Variants in HECW1 observed in about 807,000 individuals in gnomAD.
HECW1 encodes E3 ubiquitin-protein ligase HECW1.
In HECW1, 61 loss-of-function variants were observed where a neutral mutation model predicts 182.3. The ratio of observed to expected loss-of-function variants is 0.33; its 90% CI spans 0.27 to 0.41. The LOEUF (loss-of-function observed/expected upper bound fraction) is 0.41. Among genes scored for constraint, HECW1 ranks in the 10% least tolerant of loss-of-function variants. The pLI, the probability that HECW1 is intolerant of heterozygous loss-of-function variation, is 1.00. For missense variants in HECW1, 1,739 were observed against 2,108.9 expected, an observed-to-expected ratio of 0.82 and a Z score of 3.44; for synonymous variants, 859 against 832.6, an observed-to-expected ratio of 1.03 and a Z score of -0.55.
intron 2 of HECW1, among the ~76,000 whole-genome samples, chr7:43,191,963 T>A (rs1317603426): frequency 7.5e-6 from 1 of 133,234 alleles, no homozygotes; most frequent in East Asian, 2.0e-4. Context: ...GTTGTTTTTT[T>A]CTTTTTTTTT....
chr7:43,344,640 T>A (rs896427729), intron 5 of HECW1, among the ~76,000 whole-genome samples: 1 of 152,168 alleles, frequency 6.6e-6, no homozygotes, highest in African/African-American at 2.4e-5. Flanking sequence ...AGATTTCAGT[T>A]ACCTATATTT....
rs1466396766 is a variant in HECW1, at chr7:43,297,182, G to T, written c.28-14581G>T. On this transcript the variant is annotated intron_variant, in intron 3 of 29. Transcript: ENST00000395891. ...GAGATCATATGCTGAACAACAGCTAGCCCAGAGCTTTACAAACAATAGATA... is the reference window on the plus strand; with the variant it reads ...GAGATCATATGCTGAACAACAGCTATCCCAGAGCTTTACAAACAATAGATA... Among the ~76,000 whole-genome samples the T allele has an allele frequency of 3.9e-5, 6 of 152,310 alleles. No homozygotes were observed. In the East Asian group the frequency reaches 9.6e-4, roughly 24 times the overall value.
chr7:43,486,365 G>A (rs763978937), intron 17 of HECW1, among the ~76,000 whole-genome samples: 1 of 151,790 alleles, frequency 6.6e-6, no homozygotes, highest in South Asian at 2.1e-4. Context: ...GCAATGGCAC[G>A]ATCTTGGCTC....
chr7:43,143,590 G>A (rs1788397038), intron 2 of HECW1, among the ~76,000 whole-genome samples: 1 of 152,140 alleles, frequency 6.6e-6, no homozygotes, highest in South Asian at 2.1e-4. Flanking sequence ...CCAGCTGGAT[G>A]CCTCCTTTAG....
chr7:43,557,337 C>T (rs2082061899), intron 29 of HECW1, among the ~76,000 whole-genome samples: 1 of 152,220 alleles, frequency 6.6e-6, no homozygotes, highest in African/African-American at 2.4e-5. Context: ...AGGCAACTGG[C>T]TTCCCAGATG....
At chr7:43,274,386 G>A in intron 3 of HECW1, 1 of 638,312 alleles carries the variant, frequency 1.6e-6, no homozygotes, top group Admixed American at 2.4e-5. Context: ...TGCGGGTAAA[G>A]AACTTCAGCG....
At chr7:43,350,556 T>C (rs114062247) in intron 5 of HECW1, among the ~76,000 whole-genome samples, 2,389 of 152,258 alleles carry the variant, frequency 0.016, 68 homozygotes, top group African/African-American at 0.054. Context: ...TTTGTTCATG[T>C]TTTCTTACTC....
chr7:43,172,868 C>A (rs940668105), intron 2 of HECW1, among the ~76,000 whole-genome samples: 13 of 152,080 alleles, frequency 8.5e-5, no homozygotes, highest in Admixed American at 6.6e-4. Flanking sequence ...CTTTTTTACT[C>A]AGGATAGAAC....
chr7:43,189,602 AG>A (rs201969129), intron 2 of HECW1, among the ~76,000 whole-genome samples: 12 of 148,944 alleles, frequency 8.1e-5, no homozygotes, highest in Middle Eastern at 3.4e-3. Flanking sequence ...ATTAAAAAAA[AG>A]AAAGAGAGAA....
At chr7:43,196,559 C>G (rs1019018036) in intron 2 of HECW1, among the ~76,000 whole-genome samples, 1 of 152,194 alleles carries the variant, frequency 6.6e-6, no homozygotes. Flanking sequence ...CAGAGGGTAA[C>G]TGCATATGCA....
chr7:43,542,822 T>A (rs1234226994), intron 26 of HECW1, among the ~76,000 whole-genome samples: 17 of 152,260 alleles, frequency 1.1e-4, no homozygotes, highest in Admixed American at 1.1e-3. Context: ...TTAATAAATC[T>A]GCCCGTGTCC....
At chr7:43,479,879 T>C (rs1255865490) in intron 17 of HECW1, 135 bp downstream of exon 17, 2 of 1,010,118 alleles carry the variant, frequency 2.0e-6, no homozygotes, top group Admixed American at 4.4e-5. Context: ...TGCACCCTGC[T>C]TTGTAGAAGA....
At chr7:43,387,811 A>G (rs758709522) in intron 6 of HECW1, among the ~76,000 whole-genome samples, 33 of 152,206 alleles carry the variant, frequency 2.2e-4, no homozygotes, top group Non-Finnish European at 4.0e-4. Context: ...GGGCCCCTTG[A>G]TTGACTAGCT....
At chr7:43,556,139 A>G (rs1362722126) in intron 29 of HECW1, among the ~76,000 whole-genome samples, 4 of 152,192 alleles carry the variant, frequency 2.6e-5, no homozygotes, top group African/African-American at 7.2e-5. Context: ...GTGCTGCGAG[A>G]GTGTGAAACA....
intron 6 of HECW1, among the ~76,000 whole-genome samples, chr7:43,375,815 C>A (rs1239030018): frequency 6.6e-6 from 1 of 150,824 alleles, no homozygotes; most frequent in Non-Finnish European, 1.5e-5. Flanking sequence ...ATTGCTTGAG[C>A]CCTGGAGGTC....
intron 2 of HECW1, among the ~76,000 whole-genome samples, chr7:43,174,977 A>C (rs1792073901): frequency 6.6e-6 from 1 of 152,196 alleles, no homozygotes; most frequent in African/African-American, 2.4e-5. Context: ...GAGGCATATT[A>C]ATAAAACAAA....
At chr7:43,297,407 G>A (rs1431952322) in intron 3 of HECW1, among the ~76,000 whole-genome samples, 1 of 152,122 alleles carries the variant, frequency 6.6e-6, no homozygotes, top group Non-Finnish European at 1.5e-5. Context: ...GATTGTTTTT[G>A]CATGCTGCAA....
intron 29 of HECW1, among the ~76,000 whole-genome samples, chr7:43,556,219 C>T (rs1388343375): frequency 1.3e-5 from 2 of 152,046 alleles, no homozygotes; most frequent in African/African-American, 4.8e-5. Flanking sequence ...GATTGGGAGG[C>T]AAGGAATAGG....
chr7:43,113,944 G>A (rs1163886673), intron 1 of HECW1: 1 of 274,608 alleles, frequency 3.6e-6, no homozygotes, highest in Non-Finnish European at 7.0e-6. Context: ...AGGGGGAGCT[G>A]GCAGGGACAC....
Sources: gnomAD v4.1 joint callset for allele counts (sites outside exome capture counted in the v4.1 genomes callset) on GRCh38, gnomAD v4.1.1 for gene constraint, MANE v1.5 for transcripts, NCBI Gene and HGNC (gene_info 2026-07-23, HGNC 2026-07-21) for gene names.